The following DCHS2 variants were observed in gnomAD, a reference collection of about 807,000 sequenced individuals.
DCHS2 encodes protocadherin-23.
Under a neutral mutation model 182.4 loss-of-function variants are expected in DCHS2, and 142 were observed. That is an observed-to-expected ratio of 0.78 (90% CI 0.68 to 0.89). The LOEUF (loss-of-function observed/expected upper bound fraction) is 0.89. Ranked by LOEUF, DCHS2 falls within the 40% of genes least tolerant of loss-of-function variation. The pLI, the probability that DCHS2 is intolerant of heterozygous loss-of-function variation, is 0.00. For missense variants in DCHS2, 4,319 were observed against 4,198.6 expected (o/e 1.03, Z -0.79); for synonymous variants, 1,740 against 1,663.3 (o/e 1.05, Z -1.12).
chr4:154,362,608 G>T (rs1730173547), intron 3 of DCHS2, among the ~76,000 whole-genome samples: 1 of 151,974 alleles, frequency 6.6e-6, no homozygotes, highest in Admixed American at 6.6e-5. Context: ...AATAACATGG[G>T]TTTGAATTGC....
At chr4:154,282,673 GAT>G (rs1187426313) in intron 13 of DCHS2, among the ~76,000 whole-genome samples, 1 of 151,874 alleles carries the variant, frequency 6.6e-6, no homozygotes, top group Non-Finnish European at 1.5e-5. Flanking sequence ...TCCACTTCAG[GAT>G]ATATATCCCC....
chr4:154,367,459 A>C (rs989572812), intron 2 of DCHS2, among the ~76,000 whole-genome samples: 2 of 152,140 alleles, frequency 1.3e-5, no homozygotes, highest in African/African-American at 4.8e-5. Context: ...GGAATGCAGC[A>C]CCTAAAGTAG....
At chr4:154,377,209 AC>A in intron 2 of DCHS2, 43 bp downstream of exon 2, 1 of 1,564,982 alleles carries the variant, frequency 6.4e-7, no homozygotes. Flanking sequence ...ACAGTGGCTC[AC>A]TTGTGATTAT....
chr4:154,337,597 A>G (rs10517592), intron 3 of DCHS2, among the ~76,000 whole-genome samples: 13,897 of 152,132 alleles, frequency 0.091, 1,088 homozygotes, highest in African/African-American at 0.2. Flanking sequence ...CTCTCTGTAC[A>G]GTACCTTTTG....
intron 1 of DCHS2, among the ~76,000 whole-genome samples, chr4:154,386,443 C>T (rs969181522): frequency 2.6e-5 from 4 of 152,190 alleles, no homozygotes; most frequent in Admixed American, 1.3e-4. Context: ...ATCACACAGG[C>T]CTTGATTGAT....
Position 154,442,536 on chromosome 4 carries a change from C to A in DCHS2, c.2052+46768G>T, listed in dbSNP as rs543274408. ...TGTCACTGAAAAGTGGACACCCCCCCCCCCCCACACACACACACACACACA... is the reference window on the plus strand; with the variant it reads ...TGTCACTGAAAAGTGGACACCCCCCACCCCCCACACACACACACACACACA... On this transcript the variant is annotated intron_variant, in intron 1 of 19. Coordinates refer to ENST00000357232, the MANE Select transcript of DCHS2 (RefSeq NM_001358235.2). Among the ~76,000 whole-genome samples the A allele has an allele frequency of 6.0e-3, 487 of 80,578 alleles. 38 individuals carry two copies. The highest frequency in any genetic ancestry group is 0.032 in the Admixed American group (250 of 7,734). 52.9% of individuals were successfully genotyped at this position (80,578 alleles called of 152,430 possible).
intron 1 of DCHS2, among the ~76,000 whole-genome samples, chr4:154,389,514 G>GA (rs1561084765): frequency 5.7e-4 from 26 of 45,796 alleles, no homozygotes; most frequent in Non-Finnish European, 1.1e-3. Context: ...TAAAGACAAA[G>GA]GTTATATATA....
At chr4:154,256,078 T>G (rs1272286472) in intron 15 of DCHS2, among the ~76,000 whole-genome samples, 2 of 152,146 alleles carry the variant, frequency 1.3e-5, no homozygotes, top group Admixed American at 6.5e-5. Context: ...ATTTGCTCTG[T>G]TTTTCTGCTT....
At chr4:154,376,495 T>A (rs1730903375) in intron 2 of DCHS2, among the ~76,000 whole-genome samples, 1 of 152,134 alleles carries the variant, frequency 6.6e-6, no homozygotes, top group African/African-American at 2.4e-5. Context: ...TCAAGCCTTA[T>A]CCTGCAATTC....
In DCHS2 at chr4:154,233,049, A is replaced by C. The variant is rs1731267092; in HGVS notation, c.*1487T>G. ...TTAGTAAAGAGAAATTATGTCACAAAATTTCACAGATGAGGCCTATGGAAG... is the reference window on the plus strand; with the variant it reads ...TTAGTAAAGAGAAATTATGTCACAACATTTCACAGATGAGGCCTATGGAAG... On this transcript the variant is annotated 3_prime_UTR_variant, in exon 20 of 20. Transcript: ENST00000357232. 6.6e-6 allele frequency: 1 copy of C among 152,180 alleles called. No individual in the cohort carries two copies. 9.4% of individuals were successfully genotyped at this position (152,180 alleles called of 1,614,324 possible).
chr4:154,333,691 C>G, intron 4 of DCHS2, 197 bp from the exon 5 acceptor site: 1 of 632,118 alleles, frequency 1.6e-6, no homozygotes, highest in Non-Finnish European at 2.7e-6. Flanking sequence ...TACATAAATC[C>G]TTACCATTGG....
intron 1 of DCHS2, among the ~76,000 whole-genome samples, chr4:154,432,179 C>T (rs2110937060): frequency 6.6e-6 from 1 of 152,278 alleles, no homozygotes; most frequent in South Asian, 2.1e-4. Context: ...ATGATGTTAG[C>T]TATTTTGTCT....
chr4:154,384,943 C>T (rs1198140411), intron 1 of DCHS2, among the ~76,000 whole-genome samples: 1 of 151,792 alleles, frequency 6.6e-6, no homozygotes, highest in Non-Finnish European at 1.5e-5. Flanking sequence ...TTTTATTATA[C>T]TTTAAGTTTT....
Position 154,322,429 on chromosome 4 carries a change from T to C in DCHS2, c.4078A>G (p.Ile1360Val). ...GAAGGTCTATAATCATACGAAAGTA[T>C]TGTGGTTGTTCTTATTTCACCATTG... ...ANNGEIRTTT[I>V]LSYDYRPSYR... Residue 1360 changes from isoleucine (I) to valine (V), a missense_variant, in exon 8 of 20, where the codon ATA becomes GTA. Physicochemically the swap from Ile to Val is conservative, Grantham distance 29 (BLOSUM62 3). Coordinates refer to ENST00000357232, the MANE Select transcript of DCHS2 (RefSeq NM_001358235.2). The C allele has an allele frequency of 6.2e-7, 1 of 1,613,712 alleles. No homozygotes were observed. The highest frequency in any genetic ancestry group is 8.5e-7 in the Non-Finnish European group (1 of 1,179,792).
rs556210008 is a variant in DCHS2, at chr4:154,490,846, G to T, written c.510C>A (p.Asp170Glu). The change falls in exon 1 of 20, where the codon GAC becomes GAA. Residue 170 changes from aspartate to glutamate, a missense_variant. By Grantham distance (45) the Asp-to-Glu change is conservative. Coordinates refer to ENST00000357232, the MANE Select transcript of DCHS2 (RefSeq NM_001358235.2). ...VNDHSPRFPL[D>E]SLQLDVSELS... ...GCTCGGAGACGTCGAGTTGCAGGGA[G>T]TCGAGGGGAAAGCGGGGCGAGTGGT... The T allele has an allele frequency of 6.4e-7, 1 of 1,551,544 alleles. No homozygotes were observed. Among genetic ancestry groups the T allele is most frequent in the Non-Finnish European group, 8.7e-7 (1 of 1,146,970 alleles).
chr4:154,453,984 T>A (rs1262188170), intron 1 of DCHS2, among the ~76,000 whole-genome samples: 1 of 152,224 alleles, frequency 6.6e-6, no homozygotes, highest in East Asian at 1.9e-4. Flanking sequence ...ATATAGCTCT[T>A]AGCTTTCATA....
At position 154,258,159 on chromosome 4, in the gene DCHS2, C is replaced by A. The variant is rs952160140; in HGVS notation, c.6789+1386G>T. Among the ~76,000 whole-genome samples, 6 of 152,224 alleles carry A rather than the reference C, an allele frequency of 3.9e-5. No individual in the cohort carries two copies. In the South Asian group the frequency reaches 1.0e-3, roughly 26 times the overall value. Reference sequence around the variant, plus strand: ...GGCTGAAACCAGGGTAAAGACACAGCACATCTGGAACAGGCTGGTGACTAG... The same window carrying A: ...GGCTGAAACCAGGGTAAAGACACAGAACATCTGGAACAGGCTGGTGACTAG... On this transcript the variant is annotated intron_variant, in intron 15 of 19. Coordinates refer to ENST00000357232, the MANE Select transcript of DCHS2 (RefSeq NM_001358235.2).
At chr4:154,474,131 C>A (rs1008228142) in intron 1 of DCHS2, among the ~76,000 whole-genome samples, 9 of 152,196 alleles carry the variant, frequency 5.9e-5, no homozygotes, top group Non-Finnish European at 5.9e-5. Flanking sequence ...GTCTCTGCCT[C>A]CATCTTTACA....
In DCHS2 at chr4:154,489,994, G is replaced by A; in HGVS notation, c.1362C>T (p.Ala454=). Residue 454 remains alanine (A), a synonymous_variant, in exon 1 of 20, where the codon GCC becomes GCT. Coordinates refer to ENST00000357232, the MANE Select transcript of DCHS2 (RefSeq NM_001358235.2). ...CAAGACCCACACCAAGCTCCCCTGT[G>A]GCCTCATCTTCCTTCTCCCAGTCAC... ...ADGDWEKEDE[A]TGELGVGLGD... is the part of the protein sequence containing the mutation. 3.9e-6 allele frequency: 6 copies of A among 1,549,976 alleles called. No individual in the cohort carries two copies. The highest frequency in any genetic ancestry group is 5.2e-6 in the Non-Finnish European group (6 of 1,146,880).
Sources: allele counts gnomAD v4.1 joint callset (sites outside exome capture counted in the v4.1 genomes callset), GRCh38; gene constraint gnomAD v4.1.1; transcripts MANE v1.5; gene names NCBI Gene and HGNC (gene_info 2026-07-23, HGNC 2026-07-21).